The following ABCB5 variants were observed in gnomAD, a reference collection of about 807,000 sequenced individuals.
The protein encoded by ABCB5 is ATP binding cassette subfamily B member 5.
In ABCB5, 155 loss-of-function variants were observed where a neutral mutation model predicts 144.2. That is an observed-to-expected ratio of 1.08 (90% CI 0.94 to 1.23). The LOEUF (loss-of-function observed/expected upper bound fraction) is 1.23. Among genes scored for constraint, ABCB5 ranks in the 50% most tolerant of loss-of-function variants. The pLI is 0.00. For missense variants in ABCB5, 1,830 were observed against 1,520.8 expected, an observed-to-expected ratio of 1.20 and a Z score of -3.38; for synonymous variants, 610 against 528.6, an observed-to-expected ratio of 1.15 and a Z score of -2.11.
At chr7:20,619,596 G>T (rs4446638) in intron 1 of ABCB5, among the ~76,000 whole-genome samples, 51,439 of 151,900 alleles carry the variant, frequency 0.34, 8,873 homozygotes, top group African/African-American at 0.38. Context: ...GTAGGATGCA[G>T]AGTTTGCACA....
At chr7:20,666,623 A>G (rs1369830211) in intron 14 of ABCB5, 2 of 1,142,716 alleles carry the variant, frequency 1.8e-6, no homozygotes, top group African/African-American at 1.6e-5. Flanking sequence ...AAATGTCAGC[A>G]AAGTGTCAAG....
chr7:20,713,139 T>C (rs1431407658), intron 20 of ABCB5, among the ~76,000 whole-genome samples: 3 of 149,828 alleles, frequency 2.0e-5, no homozygotes, highest in Non-Finnish European at 4.5e-5. Context: ...AGTGAGATCA[T>C]GTGGCATATC....
chr7:20,706,947 T>A (rs2128045041), intron 20 of ABCB5, among the ~76,000 whole-genome samples: 1 of 152,306 alleles, frequency 6.6e-6, no homozygotes, highest in African/African-American at 2.4e-5. Context: ...ATTCTTACTT[T>A]GCCATATAAA....
chr7:20,718,301 C>G (rs950551113), intron 20 of ABCB5, among the ~76,000 whole-genome samples: 12 of 152,240 alleles, frequency 7.9e-5, no homozygotes, highest in African/African-American at 2.6e-4. Flanking sequence ...ACATACATCA[C>G]CATTTATCTC....
Position 20,626,675 on chromosome 7 carries a change from AGAAGATTGTGTTTATTAGATTGCAT to A in ABCB5, c.108+65_108+89del. ...TTTTAGAGACTTGTCAGTAGTGCATAGAAGATTGTGTTTATTAGATTGCATCCACTATTTGTGGGAAAGAGGGAAC... is the reference window on the plus strand; with the variant it reads ...TTTTAGAGACTTGTCAGTAGTGCATACCACTATTTGTGGGAAAGAGGGAAC... On this transcript the variant is annotated intron_variant, in intron 3 of 27. Transcript: ENST00000404938. The A allele has an allele frequency of 9.0e-6, 12 of 1,330,314 alleles. No homozygotes were observed. In the South Asian group the frequency reaches 1.7e-4, roughly 19 times the overall value. The allele number at this position is 1,330,314 out of a possible 1,614,324, so 82.4% of individuals were successfully genotyped here.
chr7:20,673,506 A>T (rs1785514637), intron 14 of ABCB5, among the ~76,000 whole-genome samples: 1 of 152,082 alleles, frequency 6.6e-6, no homozygotes, highest in African/African-American at 2.4e-5. Context: ...CTTATTCATT[A>T]GGAAATAAAC....
intron 14 of ABCB5, among the ~76,000 whole-genome samples, chr7:20,669,709 C>A (rs1470784274): frequency 1.7e-5 from 2 of 118,298 alleles, no homozygotes; most frequent in East Asian, 5.0e-4. Flanking sequence ...CGAGAAACAC[C>A]CAAGAATGAT....
chr7:20,646,032 G>C lies in ABCB5; in HGVS notation c.875G>C (p.Gly292Ala), dbSNP rs1784398797. Residue 292 changes from glycine (G) to alanine (A), a missense_variant, in exon 9 of 28, where the codon GGT becomes GCT. By Grantham distance (60) the Gly-to-Ala change is moderately conservative. Transcript: ENST00000404938. ...ACTATAGCTTCAAAAGTGTCTCTTGGTGCTGTGTACTTCTTTATGAATGGA... is the reference window on the plus strand; with the variant it reads ...ACTATAGCTTCAAAAGTGTCTCTTGCTGCTGTGTACTTCTTTATGAATGGA... ...KRTIASKVSL[G>A]AVYFFMNGTY... The C allele has an allele frequency of 2.8e-5, 45 of 1,613,724 alleles. No homozygotes were observed. The highest frequency in any genetic ancestry group is 3.7e-5 in the Non-Finnish European group (44 of 1,179,812).
chr7:20,631,214 G>C (rs530517473), intron 4 of ABCB5, among the ~76,000 whole-genome samples: 12 of 152,162 alleles, frequency 7.9e-5, no homozygotes. Context: ...TAGAAACAAT[G>C]TTTATTTCCT....
chr7:20,724,308 G>T (rs542445932), intron 21 of ABCB5, among the ~76,000 whole-genome samples: 3 of 151,688 alleles, frequency 2.0e-5, no homozygotes, highest in Non-Finnish European at 2.9e-5. Context: ...CAGCTGAATC[G>T]CTGTAAACAA....
intron 7 of ABCB5, among the ~76,000 whole-genome samples, chr7:20,644,996 G>C (rs978381086): frequency 6.6e-6 from 1 of 152,194 alleles, no homozygotes; most frequent in African/African-American, 2.4e-5. Context: ...AACGTCCACA[G>C]AAGAGAAGTA....
At chr7:20,721,960 G>A (rs1210245534) in intron 20 of ABCB5, among the ~76,000 whole-genome samples, 1 of 152,124 alleles carries the variant, frequency 6.6e-6, no homozygotes, top group Non-Finnish European at 1.5e-5. Flanking sequence ...TAAATTTTAA[G>A]TACATGTCAA....
chr7:20,748,811 A>G (rs1292591046), intron 26 of ABCB5, among the ~76,000 whole-genome samples: 1 of 152,232 alleles, frequency 6.6e-6, no homozygotes, highest in Non-Finnish European at 1.5e-5. Flanking sequence ...TGCAGTAAGC[A>G]TAAAATATAT....
Position 20,755,767 on chromosome 7 carries a change from C to T in ABCB5, c.*143C>T, listed in dbSNP as rs763731854. 1.2e-6 allele frequency: 1 copy of T among 800,006 alleles called. No homozygotes were observed. The highest frequency in any genetic ancestry group is 1.9e-6 in the Non-Finnish European group (1 of 519,378). 49.6% of individuals were successfully genotyped at this position (800,006 alleles called of 1,614,324 possible). A position where few individuals can be genotyped will look rare whatever the true frequency, so the allele number is the denominator to read the frequency against. The stretch of plus-strand genomic sequence containing the variant: ...CTCAAGTACATACATGTTCTATTCA[C>T]ACACCATCTGACCTTCAGATTTTTA... On this transcript the variant is annotated 3_prime_UTR_variant, in exon 28 of 28. Coordinates refer to ENST00000404938, the MANE Select transcript of ABCB5 (RefSeq NM_001163941.2).
intron 1 of ABCB5, among the ~76,000 whole-genome samples, chr7:20,618,245 T>G (rs1353030121): frequency 6.6e-6 from 1 of 152,180 alleles, no homozygotes; most frequent in Non-Finnish European, 1.5e-5. Flanking sequence ...ACTTACTTTT[T>G]TCTCTATGGA....
At chr7:20,707,503 G>C (rs1398410505) in intron 20 of ABCB5, among the ~76,000 whole-genome samples, 1 of 152,090 alleles carries the variant, frequency 6.6e-6, no homozygotes. Context: ...GATTATTTTG[G>C]AAACTCAATT....
At chr7:20,681,777 C>A (rs1489115942) in intron 15 of ABCB5, 111 bp downstream of exon 15, 6 of 1,261,718 alleles carry the variant, frequency 4.8e-6, no homozygotes, top group African/African-American at 1.5e-5. Flanking sequence ...AAAAAGCAAC[C>A]AAGGTTTATA....
At chr7:20,642,785 G>A (rs145119959) in intron 5 of ABCB5, among the ~76,000 whole-genome samples, 36 of 152,214 alleles carry the variant, frequency 2.4e-4, no homozygotes, top group African/African-American at 6.5e-4. Context: ...TCCTTAAGTT[G>A]AATTTGGGGC....
At chr7:20,718,531 A>C (rs1240992292) in intron 20 of ABCB5, among the ~76,000 whole-genome samples, 1 of 152,128 alleles carries the variant, frequency 6.6e-6, no homozygotes, top group East Asian at 1.9e-4. Flanking sequence ...TTTAGTGAGA[A>C]ATTGGAAAAT....
Sources: allele counts gnomAD v4.1 joint callset (sites outside exome capture counted in the v4.1 genomes callset), GRCh38; gene constraint gnomAD v4.1.1; transcripts MANE v1.5; gene names NCBI Gene and HGNC (gene_info 2026-07-23, HGNC 2026-07-21).